The following KLHL5 variants were observed in gnomAD, a reference collection of about 807,000 sequenced individuals.
KLHL5 encodes kelch like family member 5.
KLHL5 carries 48 observed loss-of-function variants against 77.7 expected under a neutral mutation model. The observed-to-expected ratio is 0.62, with a 90% confidence interval of 0.49 to 0.79. The LOEUF (loss-of-function observed/expected upper bound fraction) is 0.79. KLHL5 is among the 30% of genes least tolerant of loss of function. The pLI is 0.00. For synonymous variants in KLHL5, 260 were observed against 297.0 expected, an observed-to-expected ratio of 0.88 and a Z score of 1.28; for missense variants, 723 against 859.7, an observed-to-expected ratio of 0.84 and a Z score of 1.99.
intron 1 of KLHL5, among the ~76,000 whole-genome samples, chr4:39,065,383 T>C (rs1466479604): frequency 6.8e-6 from 1 of 147,584 alleles, no homozygotes; most frequent in Non-Finnish European, 1.5e-5. Flanking sequence ...TGAGACAGAG[T>C]CTCGCTCTGT....
intron 2 of KLHL5, among the ~76,000 whole-genome samples, chr4:39,077,687 C>T (rs1164624132): frequency 1.1e-5 from 1 of 93,974 alleles, no homozygotes; most frequent in African/African-American, 4.3e-5. Flanking sequence ...CCTTAAAGAA[C>T]TAAAGGTAAA....
At chr4:39,131,361 G>C (rs1723794821), downstream of KLHL5, among the ~76,000 whole-genome samples, 1 of 152,098 alleles carries the variant, frequency 6.6e-6, no homozygotes, top group Admixed American at 6.5e-5. Flanking sequence ...AAAAGAAATG[G>C]AATATTTTAA....
At chr4:39,073,811 A>T (rs1303244668) in intron 1 of KLHL5, among the ~76,000 whole-genome samples, 2 of 138,494 alleles carry the variant, frequency 1.4e-5, no homozygotes, top group Non-Finnish European at 3.2e-5. Flanking sequence ...CGCCCAGCTA[A>T]TTTTTTTTTT....
At chr4:39,083,808 G>T (rs1164230678) in intron 4 of KLHL5, among the ~76,000 whole-genome samples, 1 of 152,154 alleles carries the variant, frequency 6.6e-6, no homozygotes, top group Non-Finnish European at 1.5e-5. Context: ...TACAGTAGAG[G>T]CATGATTGCT....
chr4:39,077,886 A>C (rs897708238), intron 2 of KLHL5, among the ~76,000 whole-genome samples: 23 of 152,188 alleles, frequency 1.5e-4, no homozygotes, highest in African/African-American at 5.1e-4. Flanking sequence ...AATGCCCATC[A>C]ATCAACAGGT....
intron 5 of KLHL5, chr4:39,092,979 A>G: frequency 2.5e-6 from 1 of 395,524 alleles, no homozygotes; most frequent in Non-Finnish European, 5.0e-6. Flanking sequence ...AATTTGCCAT[A>G]TGCCCCAGCA....
intron 1 of KLHL5, among the ~76,000 whole-genome samples, chr4:39,056,831 G>T (rs1717041392): frequency 2.0e-5 from 3 of 152,232 alleles, no homozygotes; most frequent in Admixed American, 2.0e-4. Context: ...ATTTGAAAAT[G>T]CTGTCATCTT....
chr4:39,045,131 G>C (rs1716060377), intron 1 of KLHL5: 1 of 984,406 alleles, frequency 1.0e-6, no homozygotes, highest in Non-Finnish European at 1.2e-6. Context: ...TCGGGGAGGG[G>C]GCCGCCTCGG....
At chr4:39,095,237 A>C (rs1321857125) in intron 5 of KLHL5, among the ~76,000 whole-genome samples, 1 of 152,176 alleles carries the variant, frequency 6.6e-6, no homozygotes, top group Admixed American at 6.5e-5. Context: ...GGAAAATTCA[A>C]ATTAAAGGGA....
Position 39,081,926 on chromosome 4 carries a change from A to G in KLHL5, c.704-37A>G. 1 of 1,429,886 alleles carries G rather than the reference A, an allele frequency of 7.0e-7. No homozygotes were observed. Among genetic ancestry groups the G allele is most frequent in the Non-Finnish European group, 9.5e-7 (1 of 1,048,502 alleles). 88.6% of individuals were successfully genotyped at this position (1,429,886 alleles called of 1,614,324 possible). A position where few individuals can be genotyped will look rare whatever the true frequency, so the allele number is the denominator to read the frequency against. ...TTATTTTATAAAATAAGGTTAATGT[A>G]GTTCCATGGCTAATGGAATTTCTTT... On this transcript the variant is annotated intron_variant, in intron 3 of 10. Coordinates refer to ENST00000504108, the MANE Select transcript of KLHL5 (RefSeq NM_015990.5). This position sits in a 1 kb window ranked among gnomAD's most constrained non-coding sequence, Gnocchi z 4.3.
chr4:39,111,297 T>C (rs927001996), intron 8 of KLHL5, among the ~76,000 whole-genome samples: 12 of 152,218 alleles, frequency 7.9e-5, no homozygotes, highest in African/African-American at 2.7e-4. Context: ...AGGCAGGATT[T>C]ATAGATGATG....
chr4:39,047,699 A>G (rs2566106), intron 1 of KLHL5, among the ~76,000 whole-genome samples: 111,059 of 152,146 alleles, frequency 0.73, 40,673 homozygotes, highest in East Asian at 0.82. Context: ...CTTAGTGTCT[A>G]TGAATTAGAC....
At chr4:39,107,055 T>C (rs957097049) in intron 7 of KLHL5, among the ~76,000 whole-genome samples, 6 of 145,164 alleles carry the variant, frequency 4.1e-5, no homozygotes, top group African/African-American at 5.3e-5. Context: ...TTTTTCTTTT[T>C]TTTTTTTTTT....
chr4:39,110,995 A>G (rs1056746718), intron 8 of KLHL5, among the ~76,000 whole-genome samples: 6 of 152,186 alleles, frequency 3.9e-5, no homozygotes, highest in Admixed American at 3.3e-4. Context: ...TGAAATTCAA[A>G]TGAACCATTT....
chr4:39,102,986 A>G (rs1432673529), intron 6 of KLHL5, among the ~76,000 whole-genome samples: 2 of 152,126 alleles, frequency 1.3e-5, no homozygotes, highest in African/African-American at 4.8e-5. Context: ...TTTGGCTTCC[A>G]TGACACTTAA....
chr4:39,113,038 T>C lies in KLHL5; in HGVS notation c.1707T>C (p.Gly569=). 6.2e-7 allele frequency: 1 copy of C among 1,613,342 alleles called. No individual in the cohort carries two copies. Among genetic ancestry groups the C allele is most frequent in the South Asian group, 1.1e-5 (1 of 91,038 alleles). ...VLSGKLYAVG[G]RDGSSCLKSV... ...TTTGCAGACTTTATGCAGTTGGTGGTCGTGATGGAAGTTCTTGTCTCAAAT... is the reference window on the plus strand; with the variant it reads ...TTTGCAGACTTTATGCAGTTGGTGGCCGTGATGGAAGTTCTTGTCTCAAAT... Residue 569 remains glycine, a synonymous_variant, in exon 9 of 11, where the codon GGT becomes GGC. Coordinates refer to ENST00000504108, the MANE Select transcript of KLHL5 (RefSeq NM_015990.5).
At chr4:39,094,992 A>G (rs1053972753) in intron 5 of KLHL5, among the ~76,000 whole-genome samples, 1 of 152,302 alleles carries the variant, frequency 6.6e-6, no homozygotes, top group Non-Finnish European at 1.5e-5. Flanking sequence ...AGAAAGACAC[A>G]TATTTGATGA....
At chr4:39,108,815 AT>A (rs1234178205) in intron 8 of KLHL5, among the ~76,000 whole-genome samples, 1 of 152,134 alleles carries the variant, frequency 6.6e-6, no homozygotes. Flanking sequence ...TTTGGGATTG[AT>A]TCATTGGATT....
intron 10 of KLHL5, 36 bp from the exon 11 acceptor site, chr4:39,120,974 C>G (rs1723170415): frequency 4.6e-6 from 7 of 1,531,286 alleles, no homozygotes; most frequent in Non-Finnish European, 6.3e-6. Flanking sequence ...ACATTTTAAC[C>G]TACAGATCCA....
Sources: gnomAD v4.1 joint callset for allele counts (sites outside exome capture counted in the v4.1 genomes callset) on GRCh38, gnomAD v4.1.1 for gene constraint, Gnocchi (gnomAD v3.1) non-coding constraint, MANE v1.5 for transcripts, NCBI Gene and HGNC (gene_info 2026-07-23, HGNC 2026-07-21) for gene names.